Variants in BANK1 observed in about 807,000 individuals in gnomAD.
BANK1 encodes B-cell scaffold protein with ankyrin repeats.
BANK1 carries 95 observed loss-of-function variants against 94.5 expected under a neutral mutation model. The observed-to-expected ratio is 1.00, with a 90% confidence interval of 0.85 to 1.19. The LOEUF (loss-of-function observed/expected upper bound fraction) is 1.19, where lower values mean the gene tolerates loss of function less well. Ranked by LOEUF, BANK1 falls within the 50% of genes most tolerant of loss-of-function variation. The pLI, the probability that BANK1 is intolerant of heterozygous loss-of-function variation, is 0.00. For synonymous variants in BANK1, 334 were observed against 308.4 expected (o/e 1.08, Z -0.87); for missense variants, 987 against 932.2 (o/e 1.06, Z -0.77).
Position 101,895,297 on chromosome 4 carries a change from G to A in BANK1, c.904-8G>A. Reference sequence around the variant, plus strand: ...CTAGTGAAAATTTTCTTTTTCACTTGAAAACAGAATAGCATTGAAGAACTT... The same window carrying A: ...CTAGTGAAAATTTTCTTTTTCACTTAAAAACAGAATAGCATTGAAGAACTT... On this transcript the variant is annotated splice_polypyrimidine_tract_variant and splice_region_variant and intron_variant, in intron 5 of 16. Transcript: ENST00000322953. The A allele has an allele frequency of 1.3e-6, 2 of 1,513,692 alleles. No homozygotes were observed. The highest frequency in any genetic ancestry group is 1.8e-6 in the Non-Finnish European group (2 of 1,125,284). 93.8% of individuals were successfully genotyped at this position (1,513,692 alleles called of 1,614,324 possible). A position where few individuals can be genotyped will look rare whatever the true frequency, so the allele number is the denominator to read the frequency against.
At chr4:101,935,637 T>C (rs561884212) in intron 7 of BANK1, among the ~76,000 whole-genome samples, 1 of 151,756 alleles carries the variant, frequency 6.6e-6, no homozygotes, top group Non-Finnish European at 1.5e-5. Flanking sequence ...CCGTAATTGA[T>C]AGAATCTGTC....
At chr4:101,991,324 G>T (rs1725697664) in intron 7 of BANK1, among the ~76,000 whole-genome samples, 1 of 152,198 alleles carries the variant, frequency 6.6e-6, no homozygotes, top group South Asian at 2.1e-4. Flanking sequence ...AACTGTAGTT[G>T]ATTACAAGTT....
At chr4:101,872,403 G>A (rs940993960) in intron 5 of BANK1, among the ~76,000 whole-genome samples, 1 of 152,134 alleles carries the variant, frequency 6.6e-6, no homozygotes, top group Non-Finnish European at 1.5e-5. Flanking sequence ...ACAGGGGATA[G>A]AAGGAAAGGC....
intron 1 of BANK1, among the ~76,000 whole-genome samples, chr4:101,821,978 T>C (rs1043260523): frequency 1.3e-5 from 2 of 152,130 alleles, no homozygotes; most frequent in African/African-American, 4.8e-5. Context: ...AGGGCCATCC[T>C]CCGGGAAAGA....
At chr4:101,907,583 G>T (rs531623324) in intron 6 of BANK1, among the ~76,000 whole-genome samples, 1 of 152,040 alleles carries the variant, frequency 6.6e-6, no homozygotes, top group African/African-American at 2.4e-5. Flanking sequence ...AGAAATAAAG[G>T]GTATTCAATT....
At chr4:102,058,816 A>T (rs900040476) in intron 11 of BANK1, among the ~76,000 whole-genome samples, 1 of 150,310 alleles carries the variant, frequency 6.7e-6, no homozygotes, top group Non-Finnish European at 1.5e-5. Flanking sequence ...AAGTAAAAAA[A>T]AAATAATAAT....
rs1727111941 is a variant in BANK1 at position 102,026,695 on chromosome 4, AC to A, written c.1594+1188del. On this transcript the variant is annotated intron_variant, in intron 9 of 16. Transcript: ENST00000322953. The stretch of plus-strand genomic sequence containing the variant: ...AAATACAAAAATTAGCTGGGCGTGC[AC>A]CTGTAATGCCAGCAACTGGGGAGGC... Among the ~76,000 whole-genome samples the A allele has an allele frequency of 2.0e-5, 3 of 151,706 alleles. No individual in the cohort carries two copies. The South Asian group carries it at 6.3e-4, about 32-fold the overall frequency.
chr4:101,987,368 G>A (rs1391976832), intron 7 of BANK1, among the ~76,000 whole-genome samples: 1 of 152,152 alleles, frequency 6.6e-6, no homozygotes. Context: ...AGGAAACTGA[G>A]TCACAGAGAG....
chr4:101,963,182 A>T (rs1724630984), intron 7 of BANK1, among the ~76,000 whole-genome samples: 1 of 152,082 alleles, frequency 6.6e-6, no homozygotes, highest in South Asian at 2.1e-4. Context: ...ACTTAGGCAT[A>T]TCCCCTCCTA....
intron 7 of BANK1, among the ~76,000 whole-genome samples, chr4:101,923,378 T>C (rs771382877): frequency 5.9e-5 from 9 of 151,844 alleles, no homozygotes; most frequent in African/African-American, 1.7e-4. Flanking sequence ...TGTGTGTGTG[T>C]GCTTTGCATT....
intron 7 of BANK1, among the ~76,000 whole-genome samples, chr4:101,979,212 A>G (rs1031242095): frequency 3.3e-5 from 5 of 152,004 alleles, no homozygotes; most frequent in African/African-American, 4.8e-5. Context: ...GAATGGTAGC[A>G]TTGTTATATT....
chr4:101,929,364 T>C (rs933346783), intron 7 of BANK1, among the ~76,000 whole-genome samples: 1 of 151,610 alleles, frequency 6.6e-6, no homozygotes, highest in Non-Finnish European at 1.5e-5. Flanking sequence ...TTGTAAAGCT[T>C]CAGCACCATT....
chr4:101,837,902 C>T (rs971368175), intron 2 of BANK1, among the ~76,000 whole-genome samples: 6 of 146,746 alleles, frequency 4.1e-5, no homozygotes, highest in East Asian at 2.2e-4. Context: ...CCCTCTCCCT[C>T]TCCCCCTTCT....
intron 5 of BANK1, among the ~76,000 whole-genome samples, chr4:101,880,232 T>C (rs949550048): frequency 6.6e-6 from 1 of 151,918 alleles, no homozygotes; most frequent in Admixed American, 6.6e-5. Context: ...ATAAACAAAT[T>C]CAGTAAAGTT....
chr4:102,027,707 C>A (rs939953617), intron 9 of BANK1, among the ~76,000 whole-genome samples: 1 of 150,144 alleles, frequency 6.7e-6, no homozygotes, highest in Non-Finnish European at 1.5e-5. Flanking sequence ...GTGCTGTAGG[C>A]ATCAAATTCC....
intron 2 of BANK1, 67 bp downstream of exon 2, chr4:101,830,273 C>T (rs1459903318): frequency 3.0e-6 from 4 of 1,336,482 alleles, no homozygotes; most frequent in South Asian, 3.4e-5. Context: ...TAAAGAATTG[C>T]AAGTTGTTTT....
intron 2 of BANK1, among the ~76,000 whole-genome samples, chr4:101,851,139 T>C (rs1289467836): frequency 6.6e-6 from 1 of 152,134 alleles, no homozygotes; most frequent in Non-Finnish European, 1.5e-5. Flanking sequence ...AGCCAAGTTG[T>C]GAGTGCAAAG....
chr4:101,969,814 G>A (rs1026713634), intron 7 of BANK1, among the ~76,000 whole-genome samples: 2 of 151,996 alleles, frequency 1.3e-5, no homozygotes, highest in Admixed American at 6.6e-5. Context: ...CACCAGCAAA[G>A]CAAATGGTAG....
chr4:101,965,207 T>C (rs1724711088), intron 7 of BANK1, among the ~76,000 whole-genome samples: 1 of 151,828 alleles, frequency 6.6e-6, no homozygotes, highest in Non-Finnish European at 1.5e-5. Flanking sequence ...CCCTCTACCT[T>C]TTGATCTGCA....
Sources: gnomAD v4.1 joint callset for allele counts (sites outside exome capture counted in the v4.1 genomes callset) on GRCh38, gnomAD v4.1.1 for gene constraint, MANE v1.5 for transcripts, NCBI Gene and HGNC (gene_info 2026-07-23, HGNC 2026-07-21) for gene names.